Variants in CRACD observed in about 807,000 individuals in gnomAD.
The protein encoded by CRACD is capping protein-inhibiting regulator of actin dynamics.
In CRACD, 56 loss-of-function variants were observed where a neutral mutation model predicts 106.8. The observed-to-expected ratio is 0.52, with a 90% CI of 0.42 to 0.66. The LOEUF (loss-of-function observed/expected upper bound fraction) is 0.66. CRACD is among the 30% of genes least tolerant of loss of function. CRACD has a pLI of 0.00. For synonymous variants in CRACD, 754 were observed against 670.8 expected, an observed-to-expected ratio of 1.12 and a Z score of -1.92; for missense variants, 1,730 against 1,623.2, an observed-to-expected ratio of 1.07 and a Z score of -1.13.
At chr4:56,198,984 G>A (rs1737750183) in intron 2 of CRACD, among the ~76,000 whole-genome samples, 1 of 151,948 alleles carries the variant, frequency 6.6e-6, no homozygotes, top group African/African-American at 2.4e-5. Context: ...CCAGCTTCTG[G>A]GTTTTTGTTT....
At chr4:56,204,043 C>A (rs1738007437) in intron 2 of CRACD, among the ~76,000 whole-genome samples, 1 of 152,260 alleles carries the variant, frequency 6.6e-6, no homozygotes, top group South Asian at 2.1e-4. Context: ...TTCAGATGGA[C>A]ACAGCCCTGT....
chr4:56,203,029 T>C (rs1167657837), intron 2 of CRACD, among the ~76,000 whole-genome samples: 3 of 152,310 alleles, frequency 2.0e-5, no homozygotes, highest in South Asian at 4.1e-4. Flanking sequence ...ATGATTCTTA[T>C]AGAAAAATCA....
chr4:56,158,380 T>G (rs1435461665), intron 1 of CRACD, among the ~76,000 whole-genome samples: 1 of 151,908 alleles, frequency 6.6e-6, no homozygotes, highest in East Asian at 1.9e-4. Context: ...GTAAATAAAT[T>G]TATGGTATTT....
chr4:56,152,017 T>C (rs1039385878), intron 1 of CRACD, among the ~76,000 whole-genome samples: 4 of 150,786 alleles, frequency 2.7e-5, no homozygotes, highest in African/African-American at 9.8e-5. Flanking sequence ...TTTTTTCTTT[T>C]TTTTTTTTTT....
Position 56,253,925 on chromosome 4 carries a change from CAT to C in CRACD, c.-188-18395_-188-18394del, listed in dbSNP as rs1244181276. Among the ~76,000 whole-genome samples the C allele has an allele frequency of 2.6e-5, 4 of 152,162 alleles. No homozygotes were observed. In the East Asian group the frequency reaches 7.7e-4, roughly 29 times the overall value. On this transcript the variant is annotated intron_variant, in intron 2 of 10. Transcript: ENST00000682029. Reference sequence around the variant, plus strand: ...GTTTTTTTCCTTTACTCCTACATCACATGAGTCAGTGGTCACTATTCAAAGAG... The same window carrying C: ...GTTTTTTTCCTTTACTCCTACATCACGAGTCAGTGGTCACTATTCAAAGAG...
chr4:56,054,494 G>C (rs1731986662), intron 1 of CRACD, among the ~76,000 whole-genome samples: 1 of 152,276 alleles, frequency 6.6e-6, no homozygotes, highest in Non-Finnish European at 1.5e-5. Context: ...TTTTTATCCT[G>C]ATGTGAAAAT....
intron 2 of CRACD, among the ~76,000 whole-genome samples, chr4:56,208,356 A>G (rs1204378803): frequency 1.3e-5 from 2 of 152,154 alleles, no homozygotes; most frequent in African/African-American, 4.8e-5. Flanking sequence ...AGAAGACCCA[A>G]TCTCCAGGTT....
intron 2 of CRACD, among the ~76,000 whole-genome samples, chr4:56,183,506 T>C (rs1450618438): frequency 6.6e-6 from 1 of 152,200 alleles, no homozygotes; most frequent in Non-Finnish European, 1.5e-5. Flanking sequence ...TTTCCATGCC[T>C]GCACAGGCAC....
intron 2 of CRACD, among the ~76,000 whole-genome samples, chr4:56,232,817 T>G (rs1054355150): frequency 1.3e-5 from 2 of 151,928 alleles, no homozygotes; most frequent in Non-Finnish European, 2.9e-5. Context: ...CTCTGCCTCC[T>G]GGGTTCAAGA....
chr4:56,204,401 T>C (rs1738028147), intron 2 of CRACD, among the ~76,000 whole-genome samples: 1 of 152,236 alleles, frequency 6.6e-6, no homozygotes, highest in Non-Finnish European at 1.5e-5. Context: ...GGCCTGCATC[T>C]GATGAGGGCC....
chr4:56,299,486 A>G (rs926884535), intron 4 of CRACD, among the ~76,000 whole-genome samples: 1 of 152,004 alleles, frequency 6.6e-6, no homozygotes, highest in Non-Finnish European at 1.5e-5. Flanking sequence ...CCTGGGCAAC[A>G]TGGTGAAACC....
chr4:56,182,725 C>G (rs906680015), intron 2 of CRACD, among the ~76,000 whole-genome samples: 3 of 152,156 alleles, frequency 2.0e-5, no homozygotes, highest in Admixed American at 2.0e-4. Context: ...TCTAGCATGA[C>G]AGACTTAGGA....
At chr4:56,049,423 C>T (rs1036357793) in intron 1 of CRACD, 124 bp downstream of exon 1, 5 of 151,892 alleles carry the variant, frequency 3.3e-5, no homozygotes, top group African/African-American at 1.2e-4. Flanking sequence ...GGACCTGGCC[C>T]CGGGGGCGTG....
At chr4:56,223,516 C>A (rs532199169) in intron 2 of CRACD, among the ~76,000 whole-genome samples, 1 of 152,134 alleles carries the variant, frequency 6.6e-6, no homozygotes, top group East Asian at 1.9e-4. Flanking sequence ...GTCTTTGTTC[C>A]ACTTGGAGTC....
At chr4:56,131,920 T>C (rs1007440940) in intron 1 of CRACD, among the ~76,000 whole-genome samples, 1 of 152,210 alleles carries the variant, frequency 6.6e-6, no homozygotes, top group African/African-American at 2.4e-5. Flanking sequence ...ATTGATACTT[T>C]GCTTTTCTGA....
intron 1 of CRACD, among the ~76,000 whole-genome samples, chr4:56,111,284 A>T (rs1201683879): frequency 6.6e-6 from 1 of 152,200 alleles, no homozygotes; most frequent in Non-Finnish European, 1.5e-5. Flanking sequence ...GCAATACAAC[A>T]CTGCATTCGA....
chr4:56,178,921 C>T (rs756472573), intron 1 of CRACD, among the ~76,000 whole-genome samples: 1 of 152,172 alleles, frequency 6.6e-6, no homozygotes, highest in Non-Finnish European at 1.5e-5. Context: ...TGATTACTGC[C>T]TTCACGTCTG....
intron 2 of CRACD, among the ~76,000 whole-genome samples, chr4:56,237,050 A>G (rs1448005762): frequency 6.6e-6 from 1 of 152,186 alleles, no homozygotes; most frequent in Non-Finnish European, 1.5e-5. Context: ...AATTTATGCT[A>G]TAGAAATAAA....
intron 2 of CRACD, among the ~76,000 whole-genome samples, chr4:56,214,574 A>G (rs1254099821): frequency 6.6e-6 from 1 of 151,230 alleles, no homozygotes; most frequent in Non-Finnish European, 1.5e-5. Context: ...CCCGGGCAAC[A>G]GTGTGAGACT....
Sources: gnomAD v4.1 joint callset for allele counts (sites outside exome capture counted in the v4.1 genomes callset) on GRCh38, gnomAD v4.1.1 for gene constraint, MANE v1.5 for transcripts, NCBI Gene and HGNC (gene_info 2026-07-23, HGNC 2026-07-21) for gene names.